PCDH7: variants seen among roughly 807,000 people sequenced by gnomAD.
PCDH7 encodes the protein protocadherin-7.
PCDH7 carries 17 observed loss-of-function variants against 58.9 expected under a neutral mutation model. The ratio of observed to expected loss-of-function variants is 0.29; its 90% CI spans 0.20 to 0.43. The LOEUF (loss-of-function observed/expected upper bound fraction) is 0.43, where lower values mean the gene tolerates loss of function less well. Among genes scored for constraint, PCDH7 ranks in the 20% least tolerant of loss-of-function variants. The probability of loss-of-function intolerance (pLI) is 1.00; values close to 1 mark genes in which losing one functional copy is unlikely to be tolerated. For synonymous variants in PCDH7, 664 were observed against 616.4 expected, an observed-to-expected ratio of 1.08 and a Z score of -1.14; for missense variants, 1,274 against 1,441.0, an observed-to-expected ratio of 0.88 and a Z score of 1.88.
chr4:30,797,608 A>C (rs1724970595), intron 1 of PCDH7, among the ~76,000 whole-genome samples: 1 of 152,190 alleles, frequency 6.6e-6, no homozygotes, highest in African/African-American at 2.4e-5. Context: ...TACTGTGTGC[A>C]TGCTAGTGCA....
chr4:31,116,237 C>A (rs868095694), intron 3 of PCDH7, among the ~76,000 whole-genome samples: 4 of 152,244 alleles, frequency 2.6e-5, no homozygotes, highest in Middle Eastern at 6.8e-3. Flanking sequence ...ACCTGAGCAC[C>A]CTTACAGCTG....
intron 3 of PCDH7, among the ~76,000 whole-genome samples, chr4:31,060,574 AT>A (rs1162433949): frequency 6.6e-6 from 1 of 151,770 alleles, no homozygotes; most frequent in East Asian, 1.9e-4. Flanking sequence ...TTCTATGTAT[AT>A]TTTTAATACT....
intron 1 of PCDH7, among the ~76,000 whole-genome samples, chr4:30,829,207 C>G (rs2109328799): frequency 6.6e-6 from 1 of 152,104 alleles, no homozygotes; most frequent in East Asian, 1.9e-4. Context: ...AGAGAGGACT[C>G]TACCCAGGGA....
At chr4:31,033,892 G>A (rs1247970491) in intron 3 of PCDH7, among the ~76,000 whole-genome samples, 3 of 152,068 alleles carry the variant, frequency 2.0e-5, no homozygotes, top group East Asian at 1.9e-4. Flanking sequence ...TCAGGAGTTC[G>A]AGACCAGCCT....
intron 1 of PCDH7, among the ~76,000 whole-genome samples, chr4:30,906,459 TG>T (rs1740939817): frequency 6.6e-6 from 1 of 152,082 alleles, no homozygotes; most frequent in Non-Finnish European, 1.5e-5. Context: ...TATTAAAACA[TG>T]TTAATATGTA....
intron 1 of PCDH7, among the ~76,000 whole-genome samples, chr4:30,845,211 A>T (rs1731757300): frequency 6.6e-6 from 1 of 152,194 alleles, no homozygotes; most frequent in African/African-American, 2.4e-5. Flanking sequence ...CAGTGGTTTG[A>T]AAAGGTGAAA....
intron 1 of PCDH7, among the ~76,000 whole-genome samples, chr4:30,853,091 G>T (rs1363857294): frequency 6.6e-6 from 1 of 152,000 alleles, no homozygotes; most frequent in African/African-American, 2.4e-5. Context: ...GAGGGGGATG[G>T]GTGCTTGCCA....
intron 3 of PCDH7, among the ~76,000 whole-genome samples, chr4:30,994,661 C>A (rs2109128541): frequency 6.6e-6 from 1 of 152,172 alleles, no homozygotes; most frequent in South Asian, 2.1e-4. Flanking sequence ...ATTTAGGTTT[C>A]TGTGTTCAGG....
At chr4:30,727,249 G>A (rs1344788377) in intron 1 of PCDH7, among the ~76,000 whole-genome samples, 1 of 151,828 alleles carries the variant, frequency 6.6e-6, no homozygotes, top group Non-Finnish European at 1.5e-5. Flanking sequence ...TGTTTCTTAA[G>A]AGTGTTCTTA....
chr4:31,111,448 A>G (rs564772059), intron 3 of PCDH7, among the ~76,000 whole-genome samples: 1 of 152,082 alleles, frequency 6.6e-6, no homozygotes, highest in East Asian at 1.9e-4. Context: ...AGCAGGGATT[A>G]CAAGCGCCCG....
Position 30,899,432 on chromosome 4 carries a change from C to T in PCDH7, c.71-20721C>T, listed in dbSNP as rs569864296. Among the ~76,000 whole-genome samples, 72 of 152,262 alleles carry T rather than the reference C, an allele frequency of 4.7e-4. No homozygotes were observed. In the Middle Eastern group the frequency reaches 0.014, roughly 29 times the overall value. On this transcript the variant is annotated intron_variant, in intron 1 of 3. Transcript: ENST00000509759. Reference sequence around the variant, plus strand: ...GTCTAATTTCCTATCTAGGTCCCAGCTCCTTAAAGCTGTGCTACTACCTGT... The same window carrying T: ...GTCTAATTTCCTATCTAGGTCCCAGTTCCTTAAAGCTGTGCTACTACCTGT...
At chr4:31,028,016 A>G (rs1226107415) in intron 3 of PCDH7, among the ~76,000 whole-genome samples, 1 of 152,112 alleles carries the variant, frequency 6.6e-6, no homozygotes, top group Non-Finnish European at 1.5e-5. Context: ...ATGACTTATT[A>G]ATGACCATGG....
intron 3 of PCDH7, among the ~76,000 whole-genome samples, chr4:31,027,599 T>C (rs2109180119): frequency 6.6e-6 from 1 of 152,120 alleles, no homozygotes; most frequent in Admixed American, 6.5e-5. Context: ...ATTTTTGTGT[T>C]TTTAGTAGAT....
intron 3 of PCDH7, among the ~76,000 whole-genome samples, chr4:30,981,000 G>T (rs369884869): frequency 3.3e-5 from 5 of 152,014 alleles, no homozygotes; most frequent in Admixed American, 1.3e-4. Flanking sequence ...GTGCCACCAC[G>T]CTCAGCTAAT....
chr4:30,810,949 G>A (rs772140278), intron 1 of PCDH7, among the ~76,000 whole-genome samples: 14 of 152,124 alleles, frequency 9.2e-5, no homozygotes, highest in Admixed American at 2.6e-4. Context: ...ACCATGTGAA[G>A]TATTTTTATC....
chr4:30,938,730 GCTT>G (rs1745666410), intron 2 of PCDH7, among the ~76,000 whole-genome samples: 1 of 151,856 alleles, frequency 6.6e-6, no homozygotes, highest in African/African-American at 2.4e-5. Flanking sequence ...AATACAGTAA[GCTT>G]TAATAAATGG....
At chr4:30,776,414 T>A (rs912294715) in intron 1 of PCDH7, 10 of 152,180 alleles carry the variant, frequency 6.6e-5, no homozygotes, top group Non-Finnish European at 1.5e-4. Context: ...CTTTGAAAAA[T>A]TGGACATAGG....
chr4:31,118,962 A>C (rs947761988), intron 3 of PCDH7, among the ~76,000 whole-genome samples: 1 of 152,124 alleles, frequency 6.6e-6, no homozygotes, highest in African/African-American at 2.4e-5. Context: ...CGCTACTAAA[A>C]ACTTTTTGAG....
At chr4:30,958,002 C>G (rs980154860) in intron 3 of PCDH7, among the ~76,000 whole-genome samples, 2 of 151,938 alleles carry the variant, frequency 1.3e-5, no homozygotes, top group Non-Finnish European at 2.9e-5. Flanking sequence ...TGTCATTATG[C>G]TTTAGAGACC....
Sources: allele counts gnomAD v4.1 joint callset (sites outside exome capture counted in the v4.1 genomes callset), GRCh38; gene constraint gnomAD v4.1.1; transcripts MANE v1.5; gene names NCBI Gene and HGNC (gene_info 2026-07-23, HGNC 2026-07-21).